The following SOX5 variants were observed in gnomAD, a reference collection of about 807,000 sequenced individuals.
SOX5 encodes the protein SRY-box transcription factor 5, also known as transcription factor SOX-5.
In SOX5, 9 loss-of-function variants were observed where a neutral mutation model predicts 92.0. The ratio of observed to expected loss-of-function variants is 0.10; its 90% CI spans 0.06 to 0.17. The LOEUF (loss-of-function observed/expected upper bound fraction) is 0.17, where lower values mean the gene tolerates loss of function less well. Ranked by LOEUF, SOX5 falls within the 10% of genes least tolerant of loss-of-function variation. The pLI is 1.00. For missense variants in SOX5, 642 were observed against 944.5 expected (o/e 0.68, Z 4.20); for synonymous variants, 344 against 336.3 (o/e 1.02, Z -0.25).
intron 8 of SOX5, 36 bp from the exon 9 acceptor site, chr12:23,604,569 C>T (rs1566241595): frequency 3.1e-6 from 5 of 1,593,978 alleles, no homozygotes; most frequent in Non-Finnish European, 4.3e-6. Context: ...AGAAAGAATA[C>T]TGTGAATAAT....
chr12:23,866,649 G>C, intron 2 of SOX5, among the ~76,000 whole-genome samples: 1 of 152,168 alleles, frequency 6.6e-6, no homozygotes, highest in East Asian at 1.9e-4. Context: ...GAAATCCAAA[G>C]TTTTTAATAA....
intron 2 of SOX5, among the ~76,000 whole-genome samples, chr12:24,330,145 A>G (rs560108680): frequency 6.6e-6 from 1 of 151,978 alleles, no homozygotes; most frequent in Non-Finnish European, 1.5e-5. Flanking sequence ...CATACCTTCA[A>G]CAAAAAAGAA....
At chr12:24,272,224 G>A (rs1943852066) in intron 3 of SOX5, among the ~76,000 whole-genome samples, 1 of 151,818 alleles carries the variant, frequency 6.6e-6, no homozygotes. Flanking sequence ...CCAGAAACTA[G>A]AAAAAATGAT....
At chr12:24,372,023 G>A (rs1956792221) in intron 1 of SOX5, among the ~76,000 whole-genome samples, 2 of 151,880 alleles carry the variant, frequency 1.3e-5, no homozygotes, top group East Asian at 1.9e-4. Context: ...GAGATCATTT[G>A]GAAAACTCAA....
intron 4 of SOX5, among the ~76,000 whole-genome samples, chr12:24,118,091 G>A (rs889523914): frequency 2.0e-5 from 3 of 151,504 alleles, no homozygotes; most frequent in African/African-American, 7.3e-5. Context: ...GGTTACTAGA[G>A]GCTGGGGGGT....
intron 6 of SOX5, among the ~76,000 whole-genome samples, chr12:23,722,882 C>A (rs541842154): frequency 2.0e-5 from 3 of 152,082 alleles, no homozygotes; most frequent in Non-Finnish European, 4.4e-5. Flanking sequence ...AGTTTGGAAG[C>A]GGAGACACCA....
chr12:24,413,257 T>G (rs1227051794), intron 1 of SOX5, among the ~76,000 whole-genome samples: 1 of 152,242 alleles, frequency 6.6e-6, no homozygotes, highest in African/African-American at 2.4e-5. Context: ...ACATTTAGAA[T>G]TGTCATGTCT....
At chr12:24,079,924 G>C (rs749861422) in intron 4 of SOX5, among the ~76,000 whole-genome samples, 1 of 151,898 alleles carries the variant, frequency 6.6e-6, no homozygotes, top group Non-Finnish European at 1.5e-5. Flanking sequence ...TGAGTTTTAA[G>C]ATAGCGTAAT....
intron 4 of SOX5, among the ~76,000 whole-genome samples, chr12:23,964,632 C>G (rs1947332987): frequency 6.6e-6 from 1 of 152,110 alleles, no homozygotes; most frequent in Non-Finnish European, 1.5e-5. Flanking sequence ...TTGTTTGCCT[C>G]GTGCTTTATT....
Position 23,860,775 on chromosome 12 carries a change from C to G in SOX5, c.271-14582G>C, listed in dbSNP as rs1005785614. Reference sequence around the variant, plus strand: ...GATTAAATGCACTTCAGGTCATAAGCTCTTCAAGAGTATCCACAGGGAGAA... The same window carrying G: ...GATTAAATGCACTTCAGGTCATAAGGTCTTCAAGAGTATCCACAGGGAGAA... On this transcript the variant is annotated intron_variant, in intron 2 of 14. Transcript: ENST00000451604. Among the ~76,000 whole-genome samples the G allele has an allele frequency of 2.0e-5, 3 of 151,966 alleles. No individual in the cohort carries two copies. In the East Asian group the frequency reaches 5.8e-4, roughly 29 times the overall value.
chr12:24,533,871 T>C (rs1239919184), intron 1 of SOX5, among the ~76,000 whole-genome samples: 2 of 152,186 alleles, frequency 1.3e-5, no homozygotes, highest in Non-Finnish European at 2.9e-5. Flanking sequence ...TGGTTCTGAC[T>C]AAGCAGACAC....
intron 3 of SOX5, among the ~76,000 whole-genome samples, chr12:23,799,634 T>C (rs2095626595): frequency 1.3e-5 from 2 of 152,052 alleles, no homozygotes; most frequent in African/African-American, 4.8e-5. Context: ...TTAATGTCCA[T>C]ACTAAAATGC....
intron 4 of SOX5, among the ~76,000 whole-genome samples, chr12:24,129,265 T>A (rs1297151506): frequency 6.6e-6 from 1 of 152,222 alleles, no homozygotes; most frequent in Non-Finnish European, 1.5e-5. Context: ...ACAGCTTTAG[T>A]CTACGTCTGT....
chr12:23,617,271 G>A (rs2076679320), intron 8 of SOX5, among the ~76,000 whole-genome samples: 1 of 152,102 alleles, frequency 6.6e-6, no homozygotes, highest in African/African-American at 2.4e-5. Flanking sequence ...TAGGGGGCTT[G>A]GAGGTATGGG....
intron 8 of SOX5, among the ~76,000 whole-genome samples, chr12:23,606,037 A>G (rs950380232): frequency 7.9e-5 from 12 of 152,062 alleles, no homozygotes; most frequent in African/African-American, 2.9e-4. Flanking sequence ...ATTCACTTCA[A>G]AAAGGAAGAC....
At chr12:23,932,352 A>G (rs1025091277) in intron 1 of SOX5, among the ~76,000 whole-genome samples, 4 of 151,696 alleles carry the variant, frequency 2.6e-5, no homozygotes, top group African/African-American at 9.7e-5. Flanking sequence ...ACTAAATGCA[A>G]TATCTGATGC....
At chr12:24,115,050 T>C (rs1351774777) in intron 4 of SOX5, among the ~76,000 whole-genome samples, 1 of 152,156 alleles carries the variant, frequency 6.6e-6, no homozygotes, top group East Asian at 1.9e-4. Context: ...GGCTTGAAGA[T>C]TTAATTGAAC....
intron 2 of SOX5, among the ~76,000 whole-genome samples, chr12:24,315,308 T>C (rs76138625): frequency 0.01 from 1,525 of 152,296 alleles, 23 homozygotes; most frequent in African/African-American, 0.034. Flanking sequence ...TTTTTCTTCC[T>C]ATGCACATAT....
intron 6 of SOX5, among the ~76,000 whole-genome samples, chr12:23,726,118 C>CGAGAGAGAGAGAGAGA (rs60575337): frequency 3.2e-4 from 40 of 123,726 alleles, no homozygotes; most frequent in East Asian, 9.0e-4. Context: ...CATACATCCC[C>CGAGAGAGAGAGAGAGA]GAGAGAGAGA....
Sources: allele counts gnomAD v4.1 joint callset (sites outside exome capture counted in the v4.1 genomes callset), GRCh38; gene constraint gnomAD v4.1.1; transcripts MANE v1.5; gene names NCBI Gene and HGNC (gene_info 2026-07-23, HGNC 2026-07-21).